CEP128: variants seen among roughly 807,000 people sequenced by gnomAD.
The protein encoded by CEP128 is centrosomal protein 128kDa.
Under a neutral mutation model 156.7 loss-of-function variants are expected in CEP128, and 132 were observed. That is an observed-to-expected ratio of 0.84 (90% confidence interval 0.73 to 0.97). The LOEUF is 0.97. Ranked by LOEUF, CEP128 falls within the 50% of genes least tolerant of loss-of-function variation. The pLI, the probability that CEP128 is intolerant of heterozygous loss-of-function variation, is 0.00. For synonymous variants in CEP128, 469 were observed against 448.9 expected (o/e 1.04, Z -0.57); for missense variants, 1,252 against 1,281.9 (o/e 0.98, Z 0.36).
Position 80,497,330 on chromosome 14 carries a change from A to T in CEP128, c.*149T>A, listed in dbSNP as rs1887532671. ...TGGTTTACCATTCACAAGGACCAAC[A>T]GTATTGTCACTTTTGTCAATGTTTG... On this transcript the variant is annotated 3_prime_UTR_variant, in exon 25 of 25. Transcript: ENST00000555265. 3.4e-6 allele frequency: 2 copies of T among 596,622 alleles called. No individual in the cohort carries two copies. Among genetic ancestry groups the T allele is most frequent in the Non-Finnish European group, 5.9e-6 (2 of 338,124 alleles). The allele number at this position is 596,622 out of a possible 1,614,324, so 37.0% of individuals were successfully genotyped here. A position where few individuals can be genotyped will look rare whatever the true frequency, so the allele number is the denominator to read the frequency against.
chr14:80,769,670 A>G (rs1448514626), intron 16 of CEP128, among the ~76,000 whole-genome samples: 1 of 152,166 alleles, frequency 6.6e-6, no homozygotes, highest in African/African-American at 2.4e-5. Flanking sequence ...TACTTTTCTT[A>G]TGAAAGAATA....
intron 9 of CEP128, among the ~76,000 whole-genome samples, chr14:80,846,042 TA>T (rs1886584635): frequency 1.3e-5 from 2 of 152,188 alleles, no homozygotes; most frequent in Non-Finnish European, 2.9e-5. Context: ...TTAACGGCAT[TA>T]AATGTCTATT....
chr14:80,710,507 T>C (rs1897363382), intron 19 of CEP128, among the ~76,000 whole-genome samples: 1 of 152,126 alleles, frequency 6.6e-6, no homozygotes, highest in African/African-American at 2.4e-5. Flanking sequence ...CATAATTTCT[T>C]AAATTCTTCC....
chr14:80,722,821 CTTTTTTTTTTT>C (rs142796338), intron 19 of CEP128, among the ~76,000 whole-genome samples: 1 of 103,980 alleles, frequency 9.6e-6, no homozygotes, highest in African/African-American at 4.2e-5. Context: ...TACTCTTTAT[CTTTTTTTTTTT>C]TTTTTTTTTT....
chr14:80,769,521 C>T (rs1358721256), intron 16 of CEP128, among the ~76,000 whole-genome samples: 2 of 151,948 alleles, frequency 1.3e-5, no homozygotes, highest in African/African-American at 2.4e-5. Context: ...ATTTTTTGTC[C>T]TTGCAATAGT....
Position 80,768,342 on chromosome 14 carries a change from G to A in CEP128, c.2377-6729C>T, listed in dbSNP as rs1308711119. Among the ~76,000 whole-genome samples the A allele has an allele frequency of 2.6e-5, 4 of 152,092 alleles. No homozygotes were observed. In the East Asian group the frequency reaches 7.7e-4, roughly 29 times the overall value. On this transcript the variant is annotated intron_variant, in intron 16 of 24. Transcript: ENST00000555265. ...ATTCAGATGCAGAATCAATTTTAAA[G>A]TAGAGTCAATAAGATCAGCTGATGA...
At chr14:80,500,343 G>C (rs1029085078) in intron 24 of CEP128, among the ~76,000 whole-genome samples, 1 of 152,138 alleles carries the variant, frequency 6.6e-6, no homozygotes, top group Non-Finnish European at 1.5e-5. Flanking sequence ...ACTAGAGTAA[G>C]GAGCTGACTG....
chr14:80,499,359 A>C (rs1054970683), intron 24 of CEP128, among the ~76,000 whole-genome samples: 1 of 152,228 alleles, frequency 6.6e-6, no homozygotes, highest in African/African-American at 2.4e-5. Context: ...CAAAGTGAGA[A>C]TACTAACTTT....
At chr14:80,693,308 T>C (rs1005873012) in intron 19 of CEP128, among the ~76,000 whole-genome samples, 3 of 152,166 alleles carry the variant, frequency 2.0e-5, no homozygotes, top group Non-Finnish European at 4.4e-5. Context: ...CATAATTTCA[T>C]GTATCTCCTG....
At chr14:80,911,936 G>A (rs1364962980) in intron 4 of CEP128, among the ~76,000 whole-genome samples, 3 of 152,032 alleles carry the variant, frequency 2.0e-5, no homozygotes, top group African/African-American at 4.8e-5. Flanking sequence ...AACCACTCCC[G>A]GGCAGGGCAC....
intron 8 of CEP128, among the ~76,000 whole-genome samples, chr14:80,864,264 T>C (rs1887660871): frequency 6.6e-6 from 1 of 152,210 alleles, no homozygotes; most frequent in Admixed American, 6.5e-5. Context: ...AGTGAAGTTC[T>C]GGGGGAGTCC....
At chr14:80,773,925 C>G (rs1566906333) in intron 16 of CEP128, among the ~76,000 whole-genome samples, 1 of 151,902 alleles carries the variant, frequency 6.6e-6, no homozygotes, top group Non-Finnish European at 1.5e-5. Flanking sequence ...AGCTTTTTTG[C>G]CCTGGTTAGA....
intron 6 of CEP128, among the ~76,000 whole-genome samples, chr14:80,901,249 T>C (rs1883548630): frequency 6.6e-6 from 1 of 152,134 alleles, no homozygotes; most frequent in Non-Finnish European, 1.5e-5. Context: ...ATGATAATGC[T>C]TTATTTAGTG....
At chr14:80,480,034 G>C (rs1011813953) in intron 14 of CEP128, among the ~76,000 whole-genome samples, 2 of 152,198 alleles carry the variant, frequency 1.3e-5, no homozygotes, top group African/African-American at 4.8e-5. Context: ...TGGCTTTGCA[G>C]GGTACAGCCT....
intron 8 of CEP128, among the ~76,000 whole-genome samples, chr14:80,873,308 C>G (rs979348969): frequency 1.3e-5 from 2 of 152,154 alleles, no homozygotes; most frequent in Non-Finnish European, 2.9e-5. Context: ...TTTGAGCTCT[C>G]TCTGAATTCA....
At chr14:80,646,970 C>A (rs1894658952) in intron 19 of CEP128, among the ~76,000 whole-genome samples, 1 of 118,636 alleles carries the variant, frequency 8.4e-6, no homozygotes, top group Non-Finnish European at 1.9e-5. Context: ...AATGCTAGGC[C>A]AAAAGGTGCT....
At chr14:80,726,845 T>C (rs944767584) in intron 19 of CEP128, among the ~76,000 whole-genome samples, 1 of 152,192 alleles carries the variant, frequency 6.6e-6, no homozygotes, top group African/African-American at 2.4e-5. Context: ...TATTAATATT[T>C]TACAAAATAA....
At chr14:80,508,423 A>G (rs1322409076) in intron 23 of CEP128, among the ~76,000 whole-genome samples, 1 of 152,154 alleles carries the variant, frequency 6.6e-6, no homozygotes. Flanking sequence ...TTGTATGGAG[A>G]TCACCTTCGT....
chr14:80,690,365 G>A (rs1411444829), intron 19 of CEP128, among the ~76,000 whole-genome samples: 1 of 150,912 alleles, frequency 6.6e-6, no homozygotes, highest in Non-Finnish European at 1.5e-5. Context: ...GCAGTGAGTT[G>A]TGATCGCATC....
Sources: gnomAD v4.1 joint callset for allele counts (sites outside exome capture counted in the v4.1 genomes callset) on GRCh38, gnomAD v4.1.1 for gene constraint, MANE v1.5 for transcripts, NCBI Gene and HGNC (gene_info 2026-07-23, HGNC 2026-07-21) for gene names.